ECPAS: variants seen among roughly 807,000 people sequenced by gnomAD.
ECPAS encodes the protein Ecm29 proteasome adaptor and scaffold.
A neutral mutation model predicts 255.1 loss-of-function variants in ECPAS; 70 were observed. That is an observed-to-expected ratio of 0.27 (90% confidence interval 0.23 to 0.33). The LOEUF (loss-of-function observed/expected upper bound fraction) is 0.33. Among genes scored for constraint, ECPAS ranks in the 10% least tolerant of loss-of-function variants. The pLI is 1.00. For missense variants in ECPAS, 1,817 were observed against 2,206.4 expected, an observed-to-expected ratio of 0.82 and a Z score of 3.54; for synonymous variants, 784 against 775.0, an observed-to-expected ratio of 1.01 and a Z score of -0.19.
intron 8 of ECPAS, among the ~76,000 whole-genome samples, chr9:111,432,205 A>G (rs1463800206): frequency 6.6e-6 from 1 of 152,248 alleles, no homozygotes; most frequent in African/African-American, 2.4e-5. Context: ...TCCTTAGGAT[A>G]AATTCCCAGA....
At chr9:111,403,437 T>G (rs1295712334) in intron 24 of ECPAS, among the ~76,000 whole-genome samples, 3 of 135,104 alleles carry the variant, frequency 2.2e-5, no homozygotes, top group Non-Finnish European at 4.5e-5. Flanking sequence ...TCCATGCAAA[T>G]GAAAACCAAA....
At chr9:111,372,647 C>G in intron 41 of ECPAS, 27 bp from the exon 42 acceptor site, 1 of 1,555,346 alleles carries the variant, frequency 6.4e-7, no homozygotes, top group Non-Finnish European at 8.7e-7. Flanking sequence ...AAAATCTTTA[C>G]GATATTTATT....
rs988925959 is a variant in ECPAS, at chr9:111,409,916, C to T, written c.2550+125G>A. 9 of 720,872 alleles carry T rather than the reference C, an allele frequency of 1.2e-5. No homozygotes were observed. In the African/African-American group the frequency reaches 1.3e-4, roughly 10 times the overall value. The allele number at this position is 720,872 out of a possible 1,614,324, so 44.7% of individuals were successfully genotyped here. Reference sequence around the variant, plus strand: ...ACACTTAAGACTTGCTTCTTTATCACCCATTTTTACATTAAATCCTTCCTC... The same window carrying T: ...ACACTTAAGACTTGCTTCTTTATCATCCATTTTTACATTAAATCCTTCCTC... On this transcript the variant is annotated intron_variant, in intron 23 of 49. Transcript: ENST00000684092.
intron 20 of ECPAS, 110 bp downstream of exon 20, chr9:111,413,785 C>T (rs537793902): frequency 7.6e-5 from 42 of 551,512 alleles, no homozygotes; most frequent in East Asian, 2.2e-4. Context: ...GTTTTCAAAA[C>T]GACCTAAAGG....
At chr9:111,476,572 GAATTT>G (rs2098296519) in intron 1 of ECPAS, among the ~76,000 whole-genome samples, 1 of 141,086 alleles carries the variant, frequency 7.1e-6, no homozygotes, top group Non-Finnish European at 1.5e-5. Flanking sequence ...AGTAACATCA[GAATTT>G]TTTTTTTTTT....
Position 111,451,490 on chromosome 9 carries a change from T to C in ECPAS, c.88A>G (p.Ile30Val). The change falls in exon 3 of 50, where the codon ATA (isoleucine) becomes GTA (valine). Residue 30 changes from isoleucine (I) to valine (V), a missense_variant. By Grantham distance (29) the Ile-to-Val change is conservative. Coordinates refer to ENST00000684092, the MANE Select transcript of ECPAS (RefSeq NM_001364929.1). ...AAAACAGGAGGAAGGAATTTAGATATAATATTCTGTAATTGTTCATCTGTT... is the reference window on the plus strand; with the variant it reads ...AAAACAGGAGGAAGGAATTTAGATACAATATTCTGTAATTGTTCATCTGTT... ...AETDEQLQNI[I>V]SKFLPPVLLK... 1.3e-6 allele frequency: 2 copies of C among 1,573,752 alleles called. No homozygotes were observed. Among genetic ancestry groups the C allele is most frequent in the Non-Finnish European group, 1.7e-6 (2 of 1,158,602 alleles).
chr9:111,452,113 T>C (rs1340595521), intron 2 of ECPAS, among the ~76,000 whole-genome samples: 2 of 152,164 alleles, frequency 1.3e-5, no homozygotes, highest in African/African-American at 2.4e-5. Context: ...TGATAAACTT[T>C]AGACAAGGTA....
At chr9:111,385,856 C>T (rs1254574832) in intron 32 of ECPAS, among the ~76,000 whole-genome samples, 1 of 152,214 alleles carries the variant, frequency 6.6e-6, no homozygotes, top group Non-Finnish European at 1.5e-5. Flanking sequence ...TTCATACTTA[C>T]ATAAACTATG....
rs2098131910 is a variant in ECPAS, at chr9:111,375,152, C to T, written c.4071G>A (p.Leu1357=). ...CTACACCACTTCTGATCAGTTCACACAACCTAGGAACTAGCTCGCCCAGCA... is the reference window on the plus strand; with the variant it reads ...CTACACCACTTCTGATCAGTTCACATAACCTAGGAACTAGCTCGCCCAGCA... ...VSVLGELVPR[L]CELIRSGVGL... is the part of the protein sequence containing the mutation. Residue 1357 remains leucine (L), a synonymous_variant, in exon 38 of 50, where the codon TTG becomes TTA. Coordinates refer to ENST00000684092, the MANE Select transcript of ECPAS (RefSeq NM_001364929.1). 6.2e-7 allele frequency: 1 copy of T among 1,613,746 alleles called. No individual in the cohort carries two copies. The highest frequency in any genetic ancestry group is 2.2e-5 in the East Asian group (1 of 44,848).
chr9:111,371,998 T>C (rs1201550823), intron 42 of ECPAS, among the ~76,000 whole-genome samples, 169 bp from the exon 43 acceptor site: 16 of 152,164 alleles, frequency 1.1e-4, no homozygotes, highest in Non-Finnish European at 5.9e-5. Flanking sequence ...TGACTTATTC[T>C]CACAATAGTA....
intron 15 of ECPAS, 93 bp downstream of exon 15, chr9:111,421,828 C>T (rs7038720): frequency 0.094 from 133,021 of 1,409,852 alleles, 8,346 homozygotes; most frequent in East Asian, 0.31. Flanking sequence ...AAAGCAAATA[C>T]TCCTCTTATC....
intron 1 of ECPAS, among the ~76,000 whole-genome samples, chr9:111,477,413 G>T (rs889812805): frequency 6.6e-6 from 1 of 151,976 alleles, no homozygotes; most frequent in African/African-American, 2.4e-5. Flanking sequence ...CTCCAGCCCT[G>T]ATTGCCACAT....
Position 111,442,430 on chromosome 9 carries a change from G to A in ECPAS, c.271-6C>T. On this transcript the variant is annotated splice_polypyrimidine_tract_variant and splice_region_variant and intron_variant, in intron 4 of 49. Transcript: ENST00000684092. Reference sequence around the variant, plus strand: ...ACATAAATTATAGTAAAATTCTAATGCAATAAGAGAAAAGCAAGTGAGTGT... The same window carrying A: ...ACATAAATTATAGTAAAATTCTAATACAATAAGAGAAAAGCAAGTGAGTGT... 1 of 1,505,822 alleles carries A rather than the reference G, an allele frequency of 6.6e-7. No individual in the cohort carries two copies. The highest frequency in any genetic ancestry group is 9.2e-7 in the Non-Finnish European group (1 of 1,089,310). 93.3% of individuals were successfully genotyped at this position (1,505,822 alleles called of 1,614,324 possible).
chr9:111,441,747 G>A (rs1307981088), intron 5 of ECPAS, among the ~76,000 whole-genome samples: 6 of 152,068 alleles, frequency 3.9e-5, no homozygotes, highest in African/African-American at 1.4e-4. Context: ...TTTAAAAAAT[G>A]AATATGCTCT....
chr9:111,458,772 T>C (rs1337295874), intron 2 of ECPAS, among the ~76,000 whole-genome samples: 1 of 152,180 alleles, frequency 6.6e-6, no homozygotes, highest in Non-Finnish European at 1.5e-5. Flanking sequence ...CAGCAGTGCA[T>C]TGTGTGTATT....
chr9:111,423,855 A>T (rs1208257403), intron 12 of ECPAS, among the ~76,000 whole-genome samples: 1 of 152,220 alleles, frequency 6.6e-6, no homozygotes, highest in Non-Finnish European at 1.5e-5. Context: ...TAATCTGATT[A>T]CTCAGAACAC....
intron 7 of ECPAS, among the ~76,000 whole-genome samples, chr9:111,434,917 T>TTTTC (rs1554794299): frequency 9.9e-4 from 141 of 141,712 alleles, no homozygotes; most frequent in Non-Finnish European, 1.9e-3. Context: ...TTTTTTTTTT[T>TTTTC]ACACAGAGTC....
chr9:111,473,901 TG>T (rs2098292775), intron 1 of ECPAS, among the ~76,000 whole-genome samples: 1 of 152,030 alleles, frequency 6.6e-6, no homozygotes, highest in Non-Finnish European at 1.5e-5. Context: ...CAGGAAATTG[TG>T]GCTGCAGTGA....
rs760469527 is a variant in ECPAS at position 111,364,641 on chromosome 9, T to G, written c.5309-982A>C. 5.3e-4 allele frequency among the ~76,000 whole-genome samples: 81 copies of G among 152,156 alleles called. 2 individuals carry two copies. The highest frequency in any genetic ancestry group is 2.1e-4 in the South Asian group (1 of 4,834). On this transcript the variant is annotated intron_variant, in intron 48 of 49. Transcript: ENST00000684092. ...GAAATTTTAAAGAAGAGAAACAAAT[T>G]ACTTGAATGATCTTAAGATCTGTTC...
Sources: allele counts gnomAD v4.1 joint callset (sites outside exome capture counted in the v4.1 genomes callset), GRCh38; gene constraint gnomAD v4.1.1; transcripts MANE v1.5; gene names NCBI Gene and HGNC (gene_info 2026-07-23, HGNC 2026-07-21).